CDH13: variants seen among roughly 807,000 people sequenced by gnomAD.
CDH13 encodes cadherin 13.
In CDH13, 24 loss-of-function variants were observed where a neutral mutation model predicts 63.8. That is an observed-to-expected ratio of 0.38 (90% CI 0.27 to 0.53). CDH13 has a LOEUF of 0.53. Ranked by LOEUF, CDH13 falls within the 20% of genes least tolerant of loss-of-function variation. The pLI is 0.85. For synonymous variants in CDH13, 503 were observed against 355.3 expected, an observed-to-expected ratio of 1.42 and a Z score of -4.67; for missense variants, 1,049 against 903.1, an observed-to-expected ratio of 1.16 and a Z score of -2.07.
intron 6 of CDH13, among the ~76,000 whole-genome samples, chr16:83,357,103 T>A (rs953698239): frequency 2.0e-5 from 3 of 152,142 alleles, no homozygotes; most frequent in Admixed American, 6.5e-5. Flanking sequence ...AAGCTCTGTA[T>A]CCTTAAAAAA....
intron 11 of CDH13, among the ~76,000 whole-genome samples, chr16:83,764,132 G>T (rs1423795741): frequency 2.6e-5 from 4 of 152,168 alleles, no homozygotes; most frequent in Admixed American, 6.5e-5. Flanking sequence ...ACTGAGTCAT[G>T]GACTGATCTT....
intron 7 of CDH13, among the ~76,000 whole-genome samples, chr16:83,518,267 C>T (rs376036478): frequency 5.8e-4 from 88 of 151,832 alleles, no homozygotes; most frequent in African/African-American, 2.1e-3. Flanking sequence ...CCTCAGCCTC[C>T]CAAGTAGCTG....
intron 10 of CDH13, among the ~76,000 whole-genome samples, chr16:83,698,348 TC>T (rs1302825407): frequency 6.6e-6 from 1 of 152,216 alleles, no homozygotes; most frequent in Admixed American, 6.5e-5. Context: ...GGTTTGGGCC[TC>T]CCCTTTGGGC....
intron 6 of CDH13, among the ~76,000 whole-genome samples, chr16:83,365,233 G>A (rs895866268): frequency 1.3e-5 from 2 of 152,204 alleles, no homozygotes; most frequent in African/African-American, 2.4e-5. Context: ...ACGCCAGCAG[G>A]AAGGGCCAAT....
At chr16:83,118,153 G>T (rs569403967) in intron 3 of CDH13, among the ~76,000 whole-genome samples, 3 of 152,184 alleles carry the variant, frequency 2.0e-5, no homozygotes, top group Non-Finnish European at 4.4e-5. Flanking sequence ...TCCGGAGACT[G>T]CTGTGGGGGG....
At chr16:82,814,044 T>G (rs1597676415) in intron 1 of CDH13, among the ~76,000 whole-genome samples, 2 of 152,110 alleles carry the variant, frequency 1.3e-5, no homozygotes, top group Admixed American at 6.5e-5. Context: ...CTGCACAAAA[T>G]GGTCTTGACC....
chr16:83,404,895 T>A (rs1223641343), intron 6 of CDH13, among the ~76,000 whole-genome samples: 1 of 152,208 alleles, frequency 6.6e-6, no homozygotes, highest in Non-Finnish European at 1.5e-5. Flanking sequence ...GATGTTGCAT[T>A]TTATGGATGA....
chr16:83,254,244 C>G (rs1313367835), intron 5 of CDH13, among the ~76,000 whole-genome samples: 2 of 152,164 alleles, frequency 1.3e-5, no homozygotes, highest in African/African-American at 4.8e-5. Flanking sequence ...AGTCACGGAG[C>G]TGCTGTATGG....
intron 6 of CDH13, among the ~76,000 whole-genome samples, chr16:83,474,052 C>G (rs190613946): frequency 1.5e-4 from 23 of 152,168 alleles, no homozygotes; most frequent in African/African-American, 5.3e-4. Context: ...CCATACTCAG[C>G]CACTTGCCAG....
At chr16:83,453,670 G>A (rs2072942134) in intron 6 of CDH13, among the ~76,000 whole-genome samples, 1 of 152,128 alleles carries the variant, frequency 6.6e-6, no homozygotes, top group African/African-American at 2.4e-5. Flanking sequence ...GCATGTACAA[G>A]GGCATTGTGA....
At chr16:83,249,765 G>T (rs1461637621) in intron 5 of CDH13, among the ~76,000 whole-genome samples, 1 of 152,156 alleles carries the variant, frequency 6.6e-6, no homozygotes, top group African/African-American at 2.4e-5. Flanking sequence ...ATCAGACTTT[G>T]CACGTTTTTC....
chr16:83,178,843 G>C (rs937987869), intron 4 of CDH13, among the ~76,000 whole-genome samples: 1 of 152,122 alleles, frequency 6.6e-6, no homozygotes. Context: ...TGCACAAATA[G>C]CCTGGCCTTG....
At chr16:83,025,634 A>T (rs1195290787) in intron 2 of CDH13, among the ~76,000 whole-genome samples, 1 of 152,154 alleles carries the variant, frequency 6.6e-6, no homozygotes, top group East Asian at 1.9e-4. Context: ...CAGCCAAACC[A>T]TATCAGGTGG....
chr16:83,252,519 A>T (rs1013746455), intron 5 of CDH13, among the ~76,000 whole-genome samples: 7 of 152,072 alleles, frequency 4.6e-5, no homozygotes, highest in Admixed American at 6.5e-5. Flanking sequence ...GAATTCCGTT[A>T]TCTTTCCTCA....
intron 1 of CDH13, among the ~76,000 whole-genome samples, chr16:82,719,203 G>A (rs770276387): frequency 6.6e-6 from 1 of 152,108 alleles, no homozygotes; most frequent in Non-Finnish European, 1.5e-5. Context: ...CAAGCTCTGG[G>A]TCCCATTCTC....
chr16:83,793,190 C>G (rs1320971940), intron 13 of CDH13, among the ~76,000 whole-genome samples: 1 of 152,166 alleles, frequency 6.6e-6, no homozygotes, highest in African/African-American at 2.4e-5. Context: ...CAGTAGTTTA[C>G]TCAATTTTAT....
chr16:83,731,136 T>A (rs980831986), intron 10 of CDH13, among the ~76,000 whole-genome samples: 1 of 152,234 alleles, frequency 6.6e-6, no homozygotes, highest in Non-Finnish European at 1.5e-5. Context: ...CAAGTGCATG[T>A]GTCTTTTTGG....
chr16:83,479,378 A>G (rs2073699779), intron 6 of CDH13, among the ~76,000 whole-genome samples: 1 of 152,132 alleles, frequency 6.6e-6, no homozygotes, highest in African/African-American at 2.4e-5. Context: ...ACAAACTTAC[A>G]TTTCTCAGCT....
chr16:83,567,170 C>T (rs892633457), intron 7 of CDH13, among the ~76,000 whole-genome samples: 5 of 152,252 alleles, frequency 3.3e-5, no homozygotes, highest in South Asian at 4.1e-4. Context: ...GCTTAGCTGC[C>T]ACTCTTCTGG....
Sources: gnomAD v4.1 joint callset for allele counts (sites outside exome capture counted in the v4.1 genomes callset) on GRCh38, gnomAD v4.1.1 for gene constraint, MANE v1.5 for transcripts, NCBI Gene and HGNC (gene_info 2026-07-23, HGNC 2026-07-21) for gene names.